Variants in DISC1 observed in about 807,000 individuals in gnomAD.
The protein encoded by DISC1 is disrupted in schizophrenia 1 protein.
In DISC1, 57 loss-of-function variants were observed where a neutral mutation model predicts 84.5. The ratio of observed to expected loss-of-function variants is 0.67; its 90% CI spans 0.55 to 0.84. The LOEUF (loss-of-function observed/expected upper bound fraction) is 0.84, where lower values mean the gene tolerates loss of function less well. Among genes scored for constraint, DISC1 ranks in the 40% least tolerant of loss-of-function variants. The probability of loss-of-function intolerance (pLI) is 0.00; values close to 1 mark genes in which losing one functional copy is unlikely to be tolerated. For synonymous variants in DISC1, 411 were observed against 415.2 expected (o/e 0.99, Z 0.12); for missense variants, 1,000 against 1,057.8 (o/e 0.95, Z 0.76).
At position 231,655,461 on chromosome 1, in the gene DISC1, G is replaced by A. The variant is rs376827075; in HGVS notation, c.67+28527G>A. 2.0e-4 allele frequency among the ~76,000 whole-genome samples: 31 copies of A among 152,160 alleles called. 1 individual carries two copies. The East Asian group carries it at 3.5e-3, about 17-fold the overall frequency. On this transcript the variant is annotated intron_variant, in intron 1 of 12. Transcript: ENST00000439617. ...TTTTATGGCTAACTAGTATTCCATGGTGTATATATACCACATTTTCTTCAT... is the reference window on the plus strand; with the variant it reads ...TTTTATGGCTAACTAGTATTCCATGATGTATATATACCACATTTTCTTCAT...
At chr1:231,867,634 G>T (rs574766092) in intron 9 of DISC1, among the ~76,000 whole-genome samples, 1 of 152,272 alleles carries the variant, frequency 6.6e-6, no homozygotes, top group Admixed American at 6.5e-5. Context: ...TGAGTCTTGG[G>T]CACACAGCCC....
intron 12 of DISC1, among the ~76,000 whole-genome samples, chr1:232,036,462 C>T (rs1193100748): frequency 1.3e-5 from 2 of 152,164 alleles, no homozygotes; most frequent in Non-Finnish European, 2.9e-5. Flanking sequence ...CTTTTTAAGA[C>T]CTGACTTGAG....
At chr1:231,890,342 C>T (rs751442628) in intron 9 of DISC1, among the ~76,000 whole-genome samples, 6 of 152,068 alleles carry the variant, frequency 3.9e-5, no homozygotes, top group African/African-American at 1.2e-4. Context: ...ACTGAGCATA[C>T]GTAAAATATG....
intron 3 of DISC1, among the ~76,000 whole-genome samples, chr1:231,735,524 G>A (rs561400567): frequency 6.6e-6 from 1 of 152,208 alleles, no homozygotes; most frequent in Non-Finnish European, 1.5e-5. Context: ...AATCTTTCCT[G>A]TAGAAAGAAC....
Position 231,778,004 on chromosome 1 carries a change from T to C in DISC1, c.1634+6934T>C, listed in dbSNP as rs1040574664. Among the ~76,000 whole-genome samples the C allele has an allele frequency of 4.6e-5, 7 of 152,222 alleles. No individual in the cohort carries two copies. The South Asian group carries it at 1.5e-3, about 32-fold the overall frequency. ...GAGACCAGGCCTTGGACAGAGTGCT[T>C]AGTCCAGCAATGGAAAGAAGTCCAG... On this transcript the variant is annotated intron_variant, in intron 6 of 12. Coordinates refer to ENST00000439617, the MANE Select transcript of DISC1 (RefSeq NM_018662.3).
rs1054383875 is a variant in DISC1, at chr1:231,675,321, G to T, written c.68-18505G>T. ...GCTGGGTCCTGGGGTCTCTCTCCCT[G>T]CCTCTTCCCCAGCCCTACCCTATTG... is the stretch of plus-strand genomic sequence containing the variant. On this transcript the variant is annotated intron_variant, in intron 1 of 12. Coordinates refer to ENST00000439617, the MANE Select transcript of DISC1 (RefSeq NM_018662.3). This position sits in a 1 kb window ranked among gnomAD's most constrained non-coding sequence, Gnocchi z 4.1. Among the ~76,000 whole-genome samples, 1 of 151,992 alleles carries T rather than the reference G, an allele frequency of 6.6e-6. No homozygotes were observed. Among genetic ancestry groups the T allele is most frequent in the African/African-American group, 2.4e-5 (1 of 41,342 alleles).
At chr1:231,757,939 A>G (rs2075301030) in intron 4 of DISC1, among the ~76,000 whole-genome samples, 1 of 150,254 alleles carries the variant, frequency 6.7e-6, no homozygotes, top group African/African-American at 2.5e-5. Context: ...CTTTCCACTC[A>G]GGCACCCAAC....
At chr1:232,034,827 T>C (rs1440187027) in intron 12 of DISC1, among the ~76,000 whole-genome samples, 1 of 151,844 alleles carries the variant, frequency 6.6e-6, no homozygotes, top group Non-Finnish European at 1.5e-5. Flanking sequence ...CTTTTGCTTG[T>C]ATAAAGTGGT....
chr1:231,763,472 A>G (rs558245273), intron 4 of DISC1, among the ~76,000 whole-genome samples: 3 of 152,366 alleles, frequency 2.0e-5, no homozygotes, highest in South Asian at 4.1e-4. Context: ...GTCATATGTT[A>G]CAATAAGTGA....
intron 9 of DISC1, among the ~76,000 whole-genome samples, chr1:231,833,430 A>G (rs976699166): frequency 2.6e-5 from 4 of 151,582 alleles, no homozygotes; most frequent in African/African-American, 4.9e-5. Flanking sequence ...GGCATCCATG[A>G]TGGTCTAGGG....
chr1:231,778,351 C>G (rs1424146963), intron 6 of DISC1, among the ~76,000 whole-genome samples: 1 of 152,218 alleles, frequency 6.6e-6, no homozygotes, highest in Non-Finnish European at 1.5e-5. Context: ...TTCTACAATA[C>G]TTTGCACTTT....
chr1:231,701,410 G>A (rs1300585991), intron 2 of DISC1, among the ~76,000 whole-genome samples: 2 of 152,194 alleles, frequency 1.3e-5, no homozygotes, highest in Non-Finnish European at 2.9e-5. Flanking sequence ...GGATCACTGA[G>A]TCTCCATGTG....
chr1:231,630,658 C>T lies in DISC1; in HGVS notation c.67+3724C>T, dbSNP rs567898002. Among the ~76,000 whole-genome samples, 4 of 152,208 alleles carry T rather than the reference C, an allele frequency of 2.6e-5. No homozygotes were observed. The East Asian group carries it at 7.7e-4, about 29-fold the overall frequency. On this transcript the variant is annotated intron_variant, in intron 1 of 12. Transcript: ENST00000439617. This position sits in a 1 kb window ranked among gnomAD's most constrained non-coding sequence, Gnocchi z 4.4. ...TTTAGTAATATAAGACTTTTAGCCT[C>T]GAGGAGTCTTCCGTTGTTAGTTCCT...
chr1:231,892,496 C>T (rs767199456), intron 9 of DISC1, among the ~76,000 whole-genome samples: 2 of 152,028 alleles, frequency 1.3e-5, no homozygotes, highest in Non-Finnish European at 2.9e-5. Context: ...GGTAAAGATA[C>T]AAGCTCACTG....
intron 9 of DISC1, among the ~76,000 whole-genome samples, chr1:231,881,004 G>A (rs2086253724): frequency 6.6e-6 from 1 of 152,192 alleles, no homozygotes; most frequent in South Asian, 2.1e-4. Context: ...GGAAGGGGTT[G>A]GAGCCCAGGC....
At chr1:231,783,706 T>C (rs1471821841) in intron 6 of DISC1, among the ~76,000 whole-genome samples, 1 of 152,192 alleles carries the variant, frequency 6.6e-6, no homozygotes, top group Non-Finnish European at 1.5e-5. Flanking sequence ...CTGCAAGAGA[T>C]GGCACGGGGT....
chr1:231,968,895 C>G (rs1029425961), intron 10 of DISC1, among the ~76,000 whole-genome samples: 1 of 152,038 alleles, frequency 6.6e-6, no homozygotes. Context: ...CTCTTAAAGA[C>G]TTGATTTTCT....
intron 10 of DISC1, among the ~76,000 whole-genome samples, chr1:231,972,137 C>T (rs369268125): frequency 4.3e-4 from 66 of 152,238 alleles, no homozygotes; most frequent in African/African-American, 1.5e-3. Context: ...GACTGTCTGT[C>T]TCTAGAATTT....
At chr1:231,941,699 T>C (rs1469702605) in intron 9 of DISC1, among the ~76,000 whole-genome samples, 3 of 151,996 alleles carry the variant, frequency 2.0e-5, no homozygotes, top group Non-Finnish European at 4.4e-5. Context: ...TCTCGATCTC[T>C]TGACCTCGTG....
Sources: gnomAD v4.1 joint callset for allele counts (sites outside exome capture counted in the v4.1 genomes callset) on GRCh38, gnomAD v4.1.1 for gene constraint, Gnocchi (gnomAD v3.1) non-coding constraint, MANE v1.5 for transcripts, NCBI Gene and HGNC (gene_info 2026-07-23, HGNC 2026-07-21) for gene names.